The following MNAT1 variants were observed in gnomAD, a reference collection of about 807,000 sequenced individuals.
MNAT1 encodes the protein CDK-activating kinase assembly factor MAT1.
In MNAT1, 43 loss-of-function variants were observed where a neutral mutation model predicts 42.0. The observed-to-expected ratio is 1.02, with a 90% CI of 0.80 to 1.32. The LOEUF is 1.32. MNAT1 is among the 40% of genes most tolerant of loss of function. The pLI, the probability that MNAT1 is intolerant of heterozygous loss-of-function variation, is 0.00. For missense variants in MNAT1, 306 were observed against 350.4 expected, an observed-to-expected ratio of 0.87 and a Z score of 1.01; for synonymous variants, 118 against 120.0, an observed-to-expected ratio of 0.98 and a Z score of 0.11.
At chr14:60,934,834 G>T (rs1274457787) in intron 7 of MNAT1, among the ~76,000 whole-genome samples, 1 of 152,138 alleles carries the variant, frequency 6.6e-6, no homozygotes, top group Admixed American at 6.6e-5. Flanking sequence ...CCTGTGGAAG[G>T]CAATTTCTCC....
chr14:60,834,037 TTTA>T (rs2033301784), intron 6 of MNAT1, among the ~76,000 whole-genome samples: 1 of 152,234 alleles, frequency 6.6e-6, no homozygotes, highest in Admixed American at 6.5e-5. Context: ...TTCATCATTT[TTTA>T]TTGTGTCTAT....
At chr14:60,886,439 T>A (rs2034672562) in intron 7 of MNAT1, among the ~76,000 whole-genome samples, 1 of 152,064 alleles carries the variant, frequency 6.6e-6, no homozygotes, top group Non-Finnish European at 1.5e-5. Context: ...TGTGTACAGC[T>A]TTGACCTCCT....
intron 7 of MNAT1, among the ~76,000 whole-genome samples, chr14:60,900,549 A>G (rs748584823): frequency 1.3e-5 from 2 of 152,230 alleles, no homozygotes; most frequent in Non-Finnish European, 2.9e-5. Context: ...GTAAGGAAGG[A>G]TGCCATTTCC....
At chr14:60,771,411 C>T (rs192304745) in intron 1 of MNAT1, among the ~76,000 whole-genome samples, 1 of 152,222 alleles carries the variant, frequency 6.6e-6, no homozygotes, top group Admixed American at 6.5e-5. Flanking sequence ...TTCTTTTTCA[C>T]GAATTTATGG....
chr14:60,928,872 T>C (rs1457803864), intron 7 of MNAT1, among the ~76,000 whole-genome samples: 1 of 151,780 alleles, frequency 6.6e-6, no homozygotes, highest in East Asian at 1.9e-4. Context: ...CTGGGCACAG[T>C]GGCTCATGCC....
intron 7 of MNAT1, among the ~76,000 whole-genome samples, chr14:60,889,516 A>C (rs965147338): frequency 2.0e-5 from 3 of 152,214 alleles, no homozygotes; most frequent in African/African-American, 7.2e-5. Flanking sequence ...AAACCTAGGC[A>C]ATACCATTGA....
At chr14:60,772,893 T>G (rs1018942555) in intron 1 of MNAT1, among the ~76,000 whole-genome samples, 6 of 140,734 alleles carry the variant, frequency 4.3e-5, no homozygotes, top group Non-Finnish European at 6.5e-5. Flanking sequence ...GAGCTGCTGT[T>G]TTTTTTTTTT....
intron 7 of MNAT1, among the ~76,000 whole-genome samples, chr14:60,947,600 T>C (rs1404746526): frequency 2.0e-5 from 3 of 152,158 alleles, no homozygotes; most frequent in Non-Finnish European, 4.4e-5. Context: ...GGAGAATCGC[T>C]TGAACCCGGG....
intron 7 of MNAT1, among the ~76,000 whole-genome samples, chr14:60,904,136 G>A (rs925321077): frequency 6.6e-6 from 1 of 152,170 alleles, no homozygotes; most frequent in Non-Finnish European, 1.5e-5. Context: ...CTCCCAAAGT[G>A]CTGGGATTAC....
intron 6 of MNAT1, among the ~76,000 whole-genome samples, chr14:60,830,428 GTATTTGTAAA>G (rs886810796): frequency 3.3e-5 from 5 of 152,128 alleles, no homozygotes; most frequent in African/African-American, 1.2e-4. Context: ...CTAAAATTTA[GTATTTGTAAA>G]TGTTGAAATA....
chr14:60,824,122 A>C (rs2032985835), intron 6 of MNAT1, among the ~76,000 whole-genome samples: 2 of 152,158 alleles, frequency 1.3e-5, no homozygotes, highest in Admixed American at 6.5e-5. Flanking sequence ...AAGCCACAGC[A>C]CTCCAGCCTG....
At chr14:60,867,387 A>G (rs1367474425) in intron 6 of MNAT1, among the ~76,000 whole-genome samples, 1 of 152,076 alleles carries the variant, frequency 6.6e-6, no homozygotes, top group Non-Finnish European at 1.5e-5. Flanking sequence ...AGTGCTCTTA[A>G]AGGCTGATTT....
At chr14:60,817,743 C>T (rs534617674) in intron 5 of MNAT1, among the ~76,000 whole-genome samples, 1 of 152,122 alleles carries the variant, frequency 6.6e-6, no homozygotes, top group East Asian at 1.9e-4. Context: ...GGATCAAATT[C>T]TGTGTAGTCA....
intron 7 of MNAT1, among the ~76,000 whole-genome samples, chr14:60,951,079 A>C (rs2036372739): frequency 6.6e-6 from 1 of 152,194 alleles, no homozygotes; most frequent in African/African-American, 2.4e-5. Flanking sequence ...GAAGAGGTGT[A>C]ATCTAAAACA....
chr14:60,951,082 C>G (rs2036372778), intron 7 of MNAT1, among the ~76,000 whole-genome samples: 1 of 151,960 alleles, frequency 6.6e-6, no homozygotes, highest in African/African-American at 2.4e-5. Context: ...GAGGTGTAAT[C>G]TAAAACAGTT....
At chr14:60,864,246 CATT>C (rs1249671038) in intron 6 of MNAT1, among the ~76,000 whole-genome samples, 1 of 151,280 alleles carries the variant, frequency 6.6e-6, no homozygotes, top group Non-Finnish European at 1.5e-5. Flanking sequence ...CAAATGAGCA[CATT>C]ATATTTAAAA....
intron 7 of MNAT1, among the ~76,000 whole-genome samples, chr14:60,929,162 AAAAAAAAAATAT>A (rs1482640015): frequency 6.3e-5 from 8 of 127,980 alleles, no homozygotes; most frequent in Admixed American, 5.3e-4. Context: ...AAAAAAAAAA[AAAAAAAAAATAT>A]ATATATATAT....
At chr14:60,849,961 T>C (rs896286396) in intron 6 of MNAT1, among the ~76,000 whole-genome samples, 2 of 152,050 alleles carry the variant, frequency 1.3e-5, no homozygotes, top group Non-Finnish European at 2.9e-5. Flanking sequence ...CTCAGCCTCC[T>C]GAGTGGCTGG....
intron 6 of MNAT1, among the ~76,000 whole-genome samples, chr14:60,845,191 A>T (rs1375956272): frequency 1.3e-5 from 2 of 151,810 alleles, no homozygotes; most frequent in Non-Finnish European, 2.9e-5. Flanking sequence ...TTTGTATGAA[A>T]TTAATGTTTT....
Sources: gnomAD v4.1 joint callset for allele counts (sites outside exome capture counted in the v4.1 genomes callset) on GRCh38, gnomAD v4.1.1 for gene constraint, MANE v1.5 for transcripts, NCBI Gene and HGNC (gene_info 2026-07-23, HGNC 2026-07-21) for gene names.